Variants in HEXB observed in about 807,000 individuals in gnomAD.
The protein encoded by HEXB is beta-hexosaminidase subunit beta.
A neutral mutation model predicts 71.2 loss-of-function variants in HEXB; 51 were observed. The observed-to-expected ratio is 0.72, with a 90% confidence interval of 0.57 to 0.90. The LOEUF is 0.90. Ranked by LOEUF, HEXB falls within the 40% of genes least tolerant of loss-of-function variation. HEXB has a pLI of 0.00. For missense variants in HEXB, 617 were observed against 677.0 expected (o/e 0.91, Z 0.98); for synonymous variants, 266 against 249.3 (o/e 1.07, Z -0.63).
chr5:74,701,091 C>T (rs950725323), intron 5 of HEXB, among the ~76,000 whole-genome samples: 4 of 151,446 alleles, frequency 2.6e-5, no homozygotes, highest in African/African-American at 9.7e-5. Context: ...CCACATTTCC[C>T]AGGTTGGTCT....
chr5:74,709,314 G>A (rs1160655530), intron 6 of HEXB, among the ~76,000 whole-genome samples: 1 of 152,030 alleles, frequency 6.6e-6, no homozygotes, highest in African/African-American at 2.4e-5. Flanking sequence ...GAAATTTATA[G>A]CACTAAATGC....
chr5:74,662,805 G>GT (rs894006052), intron 1 of HEXB, among the ~76,000 whole-genome samples: 2 of 152,076 alleles, frequency 1.3e-5, no homozygotes, highest in Non-Finnish European at 2.9e-5. Context: ...CTATAATTTG[G>GT]TTTTTTGTAA....
At chr5:74,690,027 C>T (rs976239631) in intron 2 of HEXB, among the ~76,000 whole-genome samples, 1 of 151,942 alleles carries the variant, frequency 6.6e-6, no homozygotes, top group Non-Finnish European at 1.5e-5. Context: ...TCTTTGAAAA[C>T]ATCTGTATCC....
intron 1 of HEXB, among the ~76,000 whole-genome samples, chr5:74,650,911 G>T (rs541733338): frequency 8.1e-6 from 1 of 122,766 alleles, no homozygotes; most frequent in African/African-American, 3.4e-5. Context: ...GGGCAACAGC[G>T]TGAGACTCTG....
chr5:74,691,245 G>T (rs1446538608), intron 2 of HEXB, among the ~76,000 whole-genome samples: 1 of 152,188 alleles, frequency 6.6e-6, no homozygotes, highest in Admixed American at 6.5e-5. Context: ...TGTCCAGAGT[G>T]GGAGGACATG....
At chr5:74,665,867 A>G (rs1200752107) in intron 1 of HEXB, among the ~76,000 whole-genome samples, 3 of 152,220 alleles carry the variant, frequency 2.0e-5, no homozygotes, top group African/African-American at 7.2e-5. Context: ...ATAAACCAAC[A>G]CATCAACAAT....
Position 74,713,613 on chromosome 5 carries a change from G to C in HEXB, c.879G>C (p.Gly293=), listed in dbSNP as rs1208134816. Residue 293 remains glycine (G), a synonymous_variant, in exon 7 of 14, where the codon GGG becomes GGC. Transcript: ENST00000261416. Reference sequence around the variant, plus strand: ...TCCTGCCAGAATTTGATACCCCTGGGCATACACTATCTTGGGGAAAAGGTA... The same window carrying C: ...TCCTGCCAGAATTTGATACCCCTGGCCATACACTATCTTGGGGAAAAGGTA... ...IRVLPEFDTP[G]HTLSWGKGQK... 6.2e-7 allele frequency: 1 copy of C among 1,613,212 alleles called. No homozygotes were observed. Among genetic ancestry groups the C allele is most frequent in the Admixed American group, 1.7e-5 (1 of 60,016 alleles).
At chr5:74,683,445 G>A (rs571585597), upstream of HEXB, among the ~76,000 whole-genome samples, 129 of 152,002 alleles carry the variant, frequency 8.5e-4, no homozygotes, top group African/African-American at 2.7e-3. Context: ...CTGGGATTAC[G>A]GGCGTGTGCC....
intron 1 of HEXB, 25 bp from the exon 2 acceptor site, chr5:74,689,303 G>A (rs745436272): frequency 5.6e-6 from 9 of 1,600,448 alleles, no homozygotes; most frequent in East Asian, 4.5e-5. Context: ...CTTCTAAAAT[G>A]TGTTTACATT....
intron 6 of HEXB, among the ~76,000 whole-genome samples, chr5:74,712,815 T>C (rs992829674): frequency 7.9e-5 from 12 of 152,328 alleles, no homozygotes; most frequent in Non-Finnish European, 2.9e-5. Flanking sequence ...TGAGCACTTA[T>C]AGGCCATAGT....
chr5:74,701,237 G>A (rs1386339784), intron 5 of HEXB, among the ~76,000 whole-genome samples: 1 of 151,784 alleles, frequency 6.6e-6, no homozygotes, highest in East Asian at 1.9e-4. Context: ...TATCATTTTT[G>A]GCTTTGGGAA....
At chr5:74,688,425 C>G (rs1748921697) in intron 1 of HEXB, among the ~76,000 whole-genome samples, 1 of 151,764 alleles carries the variant, frequency 6.6e-6, no homozygotes, top group Admixed American at 6.6e-5. Flanking sequence ...ACCTCCACCT[C>G]CCGGGTCCAA....
chr5:74,699,368 G>A (rs1749204997), intron 5 of HEXB, among the ~76,000 whole-genome samples: 1 of 151,350 alleles, frequency 6.6e-6, no homozygotes, highest in African/African-American at 2.4e-5. Flanking sequence ...TCCGCCTCCT[G>A]AGTTCAAGCA....
At chr5:74,713,467 C>CGTT (rs1749598817) in intron 6 of HEXB, 39 bp from the exon 7 acceptor site, 6 of 1,597,416 alleles carry the variant, frequency 3.8e-6, no homozygotes, top group Non-Finnish European at 5.1e-6. Flanking sequence ...ATCAAATCTA[C>CGTT]GTTGTACATT....
chr5:74,659,456 G>A (rs540503750), intron 1 of HEXB, among the ~76,000 whole-genome samples: 42 of 152,302 alleles, frequency 2.8e-4, no homozygotes, highest in African/African-American at 9.1e-4. Flanking sequence ...AAATGATAGC[G>A]GGGAAGCCAC....
chr5:74,700,561 T>C (rs1049247979), intron 5 of HEXB, among the ~76,000 whole-genome samples: 1 of 152,058 alleles, frequency 6.6e-6, no homozygotes, highest in Non-Finnish European at 1.5e-5. Flanking sequence ...CCTCCCAAAG[T>C]GTTGGGATTA....
Position 74,641,414 on chromosome 5 carries a change from G to A in HEXB, c.-377+856G>A, listed in dbSNP as rs964666304. The A allele has an allele frequency of 6.6e-6, 1 of 152,262 alleles. No individual in the cohort carries two copies. The highest frequency in any genetic ancestry group is 6.5e-5 in the Admixed American group (1 of 15,284). The allele number at this position is 152,262 out of a possible 1,614,324, so 9.4% of individuals were successfully genotyped here. ...ACTCCCCAGTGGGTGCGGCACCCCC[G>A]GCTGGACTCTGCCCTAAGCCAGGCG... On this transcript the variant is annotated intron_variant, in intron 1 of 13. Coordinates refer to the HEXB transcript ENST00000511181. This position sits in a 1 kb window ranked among gnomAD's most constrained non-coding sequence, Gnocchi z 4.1.
upstream of HEXB, chr5:74,685,055 C>G (rs1163072200): frequency 5.5e-6 from 3 of 550,254 alleles, no homozygotes; most frequent in East Asian, 3.4e-5. Context: ...CGAGGGCACC[C>G]CTGGAGGAAA....
chr5:74,705,192 A>G (rs1749356993), intron 5 of HEXB, 27 bp from the exon 6 acceptor site: 1 of 1,344,618 alleles, frequency 7.4e-7, no homozygotes, highest in Non-Finnish European at 1.1e-6. Flanking sequence ...TCTGCAGTAA[A>G]TAATTTTTAA....
Sources: gnomAD v4.1 joint callset for allele counts (sites outside exome capture counted in the v4.1 genomes callset) on GRCh38, gnomAD v4.1.1 for gene constraint, Gnocchi (gnomAD v3.1) non-coding constraint, MANE v1.5 for transcripts, NCBI Gene and HGNC (gene_info 2026-07-23, HGNC 2026-07-21) for gene names.